Variants in IL7 observed in about 807,000 individuals in gnomAD.
IL7 encodes interleukin 7, also known as interleukin-7.
In IL7, 3 loss-of-function variants were observed where a neutral mutation model predicts 21.6. The observed-to-expected ratio is 0.14, with a 90% confidence interval of 0.06 to 0.36. The LOEUF is 0.36. IL7 is among the 10% of genes least tolerant of loss of function. IL7 has a pLI of 1.00. For synonymous variants in IL7, 62 were observed against 68.1 expected (o/e 0.91, Z 0.44); for missense variants, 175 against 200.2 (o/e 0.87, Z 0.76).
At chr8:78,749,775 G>A (rs1812106376) in intron 2 of IL7, among the ~76,000 whole-genome samples, 1 of 151,986 alleles carries the variant, frequency 6.6e-6, no homozygotes, top group Non-Finnish European at 1.5e-5. Context: ...AGGAGGAGGG[G>A]AAAAAACTAT....
At position 78,689,213 on chromosome 8, in the gene IL7, C is replaced by T. The variant is rs751907524; in HGVS notation, n.215-3266G>A. On this transcript the variant is annotated intron_variant and non_coding_transcript_variant, in intron 3 of 4. Transcript: ENST00000523959. The stretch of plus-strand genomic sequence containing the variant: ...GCTATTAATCTGTTTCCGTTTTTAT[C>T]TGTTATAGATTATATTCAATGTCCA... 1.7e-5 allele frequency: 25 copies of T among 1,460,886 alleles called. No homozygotes were observed. In the Middle Eastern group the frequency reaches 7.3e-4, roughly 43 times the overall value. 90.5% of individuals were successfully genotyped at this position (1,460,886 alleles called of 1,614,324 possible).
At chr8:78,695,489 C>T (rs1258859292) in intron 3 of IL7, among the ~76,000 whole-genome samples, 1 of 152,096 alleles carries the variant, frequency 6.6e-6, no homozygotes, top group Non-Finnish European at 1.5e-5. Context: ...TCATTTTGCT[C>T]TTTTTTGATT....
chr8:78,773,517 T>G (rs1372612037), intron 2 of IL7, among the ~76,000 whole-genome samples: 1 of 152,046 alleles, frequency 6.6e-6, no homozygotes, highest in African/African-American at 2.4e-5. Flanking sequence ...TACAAAAATG[T>G]GGAGCATATT....
At chr8:78,746,773 G>A (rs777033040) in intron 2 of IL7, 122 of 333,442 alleles carry the variant, frequency 3.7e-4, no homozygotes, top group Admixed American at 5.9e-4. Flanking sequence ...TTCTGTGTGT[G>A]TATGTGTTTG....
chr8:78,743,868 A>C (rs1811883854), intron 2 of IL7, among the ~76,000 whole-genome samples: 1 of 151,972 alleles, frequency 6.6e-6, no homozygotes, highest in African/African-American at 2.4e-5. Context: ...GGTCTACTCC[A>C]GTCCCTAGTT....
At chr8:78,726,276 T>C (rs1233958286) in intron 3 of IL7, among the ~76,000 whole-genome samples, 1 of 152,008 alleles carries the variant, frequency 6.6e-6, no homozygotes, top group Non-Finnish European at 1.5e-5. Flanking sequence ...TCTGTTAGGG[T>C]ATTCAATGTG....
At chr8:78,729,167 G>T (rs1811381152), downstream of IL7, among the ~76,000 whole-genome samples, 1 of 151,908 alleles carries the variant, frequency 6.6e-6, no homozygotes, top group Admixed American at 6.6e-5. Flanking sequence ...CTTTATAGGA[G>T]CTTTCCTGTT....
intron 4 of IL7, chr8:78,685,819 C>T (rs1457760073): frequency 6.6e-6 from 1 of 152,204 alleles, no homozygotes; most frequent in African/African-American, 2.4e-5. Context: ...CTGTGTTAGT[C>T]TCTTTTCTGC....
At chr8:78,731,073 T>C (rs917899700), downstream of IL7, among the ~76,000 whole-genome samples, 3 of 151,982 alleles carry the variant, frequency 2.0e-5, no homozygotes, top group African/African-American at 7.2e-5. Context: ...TACGTGTTTC[T>C]AGAGAAATAT....
At chr8:78,711,560 T>C (rs1384117189) in intron 3 of IL7, among the ~76,000 whole-genome samples, 1 of 152,116 alleles carries the variant, frequency 6.6e-6, no homozygotes, top group African/African-American at 2.4e-5. Context: ...CAATTCCTTA[T>C]TTTTGGAATT....
chr8:78,746,166 G>A (rs1399407105), intron 2 of IL7, among the ~76,000 whole-genome samples: 1 of 152,186 alleles, frequency 6.6e-6, no homozygotes, highest in East Asian at 1.9e-4. Context: ...GTCCATTAAT[G>A]TTGAGTTTGT....
At chr8:78,692,621 C>T (rs1346190435) in intron 3 of IL7, among the ~76,000 whole-genome samples, 1 of 152,022 alleles carries the variant, frequency 6.6e-6, no homozygotes, top group Non-Finnish European at 1.5e-5. Flanking sequence ...CCAGGGTGTA[C>T]AGTGTAGGTT....
intron 2 of IL7, among the ~76,000 whole-genome samples, chr8:78,751,350 CA>C (rs1388600747): frequency 3.3e-5 from 5 of 152,110 alleles, no homozygotes; most frequent in African/African-American, 4.8e-5. Flanking sequence ...ATGAAATATT[CA>C]AAATGTTAAG....
At position 78,686,566 on chromosome 8, in the gene IL7, G is replaced by A. The variant is rs1433232139; in HGVS notation, n.215-619C>T. ...AGGCCTTGATCAGGCCCTCAAAGAG[G>A]GTGGCAAACTTCCTCCTCCTCCTCC... On this transcript the variant is annotated intron_variant and non_coding_transcript_variant, in intron 3 of 4. Coordinates refer to the IL7 transcript ENST00000523959. 2.6e-6 allele frequency: 4 copies of A among 1,531,976 alleles called. No homozygotes were observed. The highest frequency in any genetic ancestry group is 3.5e-6 in the Non-Finnish European group (4 of 1,138,458). The allele number at this position is 1,531,976 out of a possible 1,614,324, so 94.9% of individuals were successfully genotyped here.
At chr8:78,727,169 T>C (rs1048481587) in intron 3 of IL7, among the ~76,000 whole-genome samples, 1 of 152,048 alleles carries the variant, frequency 6.6e-6, no homozygotes, top group African/African-American at 2.4e-5. Flanking sequence ...TTCTTTCAGC[T>C]TGCCAGTGCC....
At chr8:78,752,352 CT>C (rs1306176879) in intron 2 of IL7, among the ~76,000 whole-genome samples, 3 of 152,208 alleles carry the variant, frequency 2.0e-5, no homozygotes, top group Non-Finnish European at 1.5e-5. Context: ...AAACTTCATA[CT>C]GTTTTCAATA....
At chr8:78,776,843 A>T (rs992937598) in intron 2 of IL7, among the ~76,000 whole-genome samples, 8 of 152,098 alleles carry the variant, frequency 5.3e-5, no homozygotes, top group African/African-American at 1.9e-4. Context: ...CATAGCTAGC[A>T]AGTGGCATAT....
chr8:78,760,156 C>T, intron 2 of IL7: 1 of 1,514,800 alleles, frequency 6.6e-7, no homozygotes, highest in South Asian at 1.4e-5. Context: ...GTATTTTCCA[C>T]AGTTTCGGAA....
intron 2 of IL7, among the ~76,000 whole-genome samples, chr8:78,744,947 G>A (rs1431646169): frequency 6.6e-6 from 1 of 152,162 alleles, no homozygotes; most frequent in Non-Finnish European, 1.5e-5. Flanking sequence ...GTGGGCTGTC[G>A]TCCTGCCTTT....
Sources: allele counts gnomAD v4.1 joint callset (sites outside exome capture counted in the v4.1 genomes callset), GRCh38; gene constraint gnomAD v4.1.1; transcripts MANE v1.5; gene names NCBI Gene and HGNC (gene_info 2026-07-23, HGNC 2026-07-21).